Variants in NBPF6 observed in about 807,000 individuals in gnomAD.
NBPF6 encodes NBPF family member NBPF6.
Under a neutral mutation model 20.8 loss-of-function variants are expected in NBPF6, and 2 were observed. The ratio of observed to expected loss-of-function variants is 0.10; its 90% CI spans 0.04 to 0.30. The LOEUF is 0.30. Among genes scored for constraint, NBPF6 ranks in the 10% least tolerant of loss-of-function variants. The probability of loss-of-function intolerance (pLI) is 1.00; values close to 1 mark genes in which losing one functional copy is unlikely to be tolerated. For synonymous variants in NBPF6, 24 were observed against 100.0 expected, an observed-to-expected ratio of 0.24 and a Z score of 4.53; for missense variants, 85 against 260.3, an observed-to-expected ratio of 0.33 and a Z score of 4.63.
At chr1:108,459,503 GAA>G in intron 9 of NBPF6, among the ~76,000 whole-genome samples, 1 of 150,056 alleles carries the variant, frequency 6.7e-6, no homozygotes, top group Non-Finnish European at 1.5e-5. Flanking sequence ...AATATTGAGA[GAA>G]AGAGGACTTG....
upstream of NBPF6, among the ~76,000 whole-genome samples, chr1:108,448,492 T>A (rs1386227527): frequency 1.4e-5 from 2 of 139,758 alleles, no homozygotes; most frequent in African/African-American, 5.2e-5. Flanking sequence ...TGAATTTCGG[T>A]CCCAATGCTG....
upstream of NBPF6, among the ~76,000 whole-genome samples, chr1:108,447,863 G>C (rs1268212863): frequency 6.8e-6 from 1 of 146,908 alleles, no homozygotes; most frequent in Non-Finnish European, 1.5e-5. Context: ...TTTGTGCTTC[G>C]ACTTCAGAAA....
At chr1:108,426,426 A>AAAATAAATAAAT in the NBPF6 span, among the ~76,000 whole-genome samples, 333 of 86,266 alleles carry the variant, frequency 3.9e-3, 6 homozygotes, top group South Asian at 0.021. Context: ...TGTCTCTTTA[A>AAAATAAATAAAT]AAATAAATAA....
chr1:108,459,701 C>T (rs1653052435), intron 9 of NBPF6, among the ~76,000 whole-genome samples: 1 of 62,798 alleles, frequency 1.6e-5, no homozygotes, highest in African/African-American at 5.6e-5. Context: ...CATAATCTGG[C>T]TACTTTGCTG....
chr1:108,471,467 A>C lies in NBPF6; in HGVS notation c.*829A>C, dbSNP rs534298713. Among the ~76,000 whole-genome samples, 8 of 152,286 alleles carry C rather than the reference A, an allele frequency of 5.3e-5. 1 individual carries two copies. The South Asian group carries it at 1.7e-3, about 32-fold the overall frequency. On this transcript the variant is annotated 3_prime_UTR_variant, in exon 15 of 15. Coordinates refer to ENST00000495380, the MANE Select transcript of NBPF6 (RefSeq NM_001143988.2). Reference sequence around the variant, plus strand: ...TACTAGGATGTTCACTTGGTCAAGGAGGGGTCTAGGAGCTCTGTCCCTTGT... The same window carrying C: ...TACTAGGATGTTCACTTGGTCAAGGCGGGGTCTAGGAGCTCTGTCCCTTGT...
In NBPF6 at chr1:108,465,252, G is replaced by A; in HGVS notation, c.1488G>A (p.Glu496=). 3 of 1,196,064 alleles carry A rather than the reference G, an allele frequency of 2.5e-6. 1 individual carries two copies. Among genetic ancestry groups the A allele is most frequent in the African/African-American group, 4.0e-5 (2 of 50,614 alleles). 74.1% of individuals were successfully genotyped at this position (1,196,064 alleles called of 1,614,324 possible). A position where few individuals can be genotyped will look rare whatever the true frequency, so the allele number is the denominator to read the frequency against. The change falls in exon 13 of 15, where the codon GAG becomes GAA. Residue 496 remains glutamate, a synonymous_variant. Coordinates refer to ENST00000495380, the MANE Select transcript of NBPF6 (RefSeq NM_001143988.2). Reference sequence around the variant, plus strand: ...GAGACTTGAGCCACCACCGGTCAGAGGTTCAAATTTCACAGGCACAGCTGG... The same window carrying A: ...GAGACTTGAGCCACCACCGGTCAGAAGTTCAAATTTCACAGGCACAGCTGG... ...WSGDLSHHRS[E]VQISQAQLEP... is the part of the protein sequence containing the mutation.
In NBPF6 at chr1:108,465,379, A is replaced by G. The variant is rs1236014644; in HGVS notation, c.1615A>G (p.Ser539Gly). Residue 539 changes from serine to glycine, a missense_variant, in exon 13 of 15, where the codon AGC (serine) becomes GGC (glycine). This residue lies in a region of NBPF6 where 43 missense variants were observed against 97.3 expected (regional missense o/e 0.44). Transcript: ENST00000495380. ...GCGGGGCCTTTCCTCCACCACCTGC[A>G]GCTTCTCAGCCAATGCTGATTCTGG... ...AQRGLSSTTCSFSANADSGNQ... is the reference protein window; with the variant it reads ...AQRGLSSTTCGFSANADSGNQ... 1.1e-6 allele frequency: 1 copy of G among 927,756 alleles called. No homozygotes were observed. Among genetic ancestry groups the G allele is most frequent in the Non-Finnish European group, 1.5e-6 (1 of 654,986 alleles). The allele number at this position is 927,756 out of a possible 1,614,324, so 57.5% of individuals were successfully genotyped here. A position where few individuals can be genotyped will look rare whatever the true frequency, so the allele number is the denominator to read the frequency against.
intron 14 of NBPF6, among the ~76,000 whole-genome samples, 156 bp from the exon 15 acceptor site, chr1:108,470,441 T>G (rs1185333494): frequency 6.8e-6 from 1 of 147,946 alleles, no homozygotes; most frequent in Non-Finnish European, 1.5e-5. Context: ...TGGATGGTGC[T>G]TCCCCCTTCT....
At chr1:108,452,980 TTGTGTG>T (rs759252996) in intron 3 of NBPF6, among the ~76,000 whole-genome samples, 195 bp from the exon 4 acceptor site, 2,044 of 47,380 alleles carry the variant, frequency 0.043, 470 homozygotes, top group African/African-American at 0.14. Context: ...GTATGTTTGT[TTGTGTG>T]TGTGTGTGTG....
chr1:108,470,525 C>A (rs535467237), intron 14 of NBPF6, 72 bp from the exon 15 acceptor site: 1 of 1,153,940 alleles, frequency 8.7e-7, no homozygotes, highest in South Asian at 1.5e-5. Flanking sequence ...CTTAGCAATC[C>A]CTCCAGACTC....
chr1:108,448,191 A>G (rs1205694431), upstream of NBPF6, among the ~76,000 whole-genome samples: 15 of 145,976 alleles, frequency 1.0e-4, no homozygotes, highest in African/African-American at 1.8e-4. Context: ...TCAGCAGCCC[A>G]CACCATCCTC....
chr1:108,452,862 A>G (rs1652914403), intron 3 of NBPF6, among the ~76,000 whole-genome samples: 1 of 73,240 alleles, frequency 1.4e-5, no homozygotes, highest in Admixed American at 1.2e-4. Context: ...TGATTTAGGA[A>G]GACGCTAACT....
At chr1:108,465,661 CT>C (rs1653143904) in intron 13 of NBPF6, among the ~76,000 whole-genome samples, 1 of 96,826 alleles carries the variant, frequency 1.0e-5, no homozygotes, top group Non-Finnish European at 2.2e-5. Flanking sequence ...TCTTTTTGCT[CT>C]TTATATCTCT....
In NBPF6 at chr1:108,470,862, G is replaced by A. The variant is rs1279917548; in HGVS notation, c.*224G>A. On this transcript the variant is annotated 3_prime_UTR_variant, in exon 15 of 15. Transcript: ENST00000495380. ...ACCTAGGGAGACCAATGCCCAGATG[G>A]ACAAATAGCATTGACTGGCGTTAGC... is the stretch of plus-strand genomic sequence containing the variant. 1.7e-5 allele frequency: 7 copies of A among 422,256 alleles called. No individual in the cohort carries two copies. The highest frequency in any genetic ancestry group is 3.1e-5 in the Non-Finnish European group (7 of 228,350). 26.2% of individuals were successfully genotyped at this position (422,256 alleles called of 1,614,324 possible).
upstream of NBPF6, among the ~76,000 whole-genome samples, chr1:108,448,412 A>T (rs1652694503): frequency 6.7e-6 from 1 of 149,226 alleles, no homozygotes. Context: ...TGTATATTCC[A>T]AAGTTCCAGT....
intron 2 of NBPF6, among the ~76,000 whole-genome samples, chr1:108,451,377 G>C (rs1324601152): frequency 1.7e-5 from 1 of 58,444 alleles, no homozygotes; most frequent in Non-Finnish European, 5.0e-5. Flanking sequence ...TTCCTGAAGA[G>C]GAAGAAAGAT....
chr1:108,447,817 G>A (rs1291968778), upstream of NBPF6, among the ~76,000 whole-genome samples: 3 of 143,870 alleles, frequency 2.1e-5, 1 homozygote, highest in Non-Finnish European at 4.6e-5. Context: ...ACAATGAGTG[G>A]CACTGATGGG....
the NBPF6 span, among the ~76,000 whole-genome samples, chr1:108,429,550 A>G: frequency 7.3e-6 from 1 of 136,544 alleles, no homozygotes; most frequent in African/African-American, 2.7e-5. Context: ...GTTTCAAAGA[A>G]CTTCCTGATT....
the NBPF6 span, among the ~76,000 whole-genome samples, chr1:108,426,426 AAAAT>A: frequency 9.3e-5 from 8 of 86,260 alleles, no homozygotes; most frequent in East Asian, 8.1e-4. Flanking sequence ...TGTCTCTTTA[AAAAT>A]AAATAAATAA....
Sources: gnomAD v4.1 joint callset for allele counts (sites outside exome capture counted in the v4.1 genomes callset) on GRCh38, gnomAD v4.1.1 for gene constraint, gnomAD v4.1.1 regional missense constraint, MANE v1.5 for transcripts, NCBI Gene and HGNC (gene_info 2026-07-23, HGNC 2026-07-21) for gene names.